Variants in DDX10 observed in about 807,000 individuals in gnomAD.
DDX10 encodes probable ATP-dependent RNA helicase DDX10.
DDX10 carries 74 observed loss-of-function variants against 104.3 expected under a neutral mutation model. The ratio of observed to expected loss-of-function variants is 0.71; its 90% CI spans 0.59 to 0.86. The LOEUF is 0.86. Ranked by LOEUF, DDX10 falls within the 40% of genes least tolerant of loss-of-function variation. The pLI is 0.00. For synonymous variants in DDX10, 351 were observed against 353.4 expected, an observed-to-expected ratio of 0.99 and a Z score of 0.08; for missense variants, 952 against 1,040.0, an observed-to-expected ratio of 0.92 and a Z score of 1.16.
At chr11:108,785,933 G>A (rs1861784742) in intron 13 of DDX10, among the ~76,000 whole-genome samples, 1 of 152,040 alleles carries the variant, frequency 6.6e-6, no homozygotes, top group African/African-American at 2.4e-5. Flanking sequence ...CTCTAGGTGT[G>A]ATGTTAGATT....
chr11:108,719,187 T>C lies in DDX10; in HGVS notation c.1411-610T>C, dbSNP rs184809184. 5.9e-5 allele frequency among the ~76,000 whole-genome samples: 9 copies of C among 151,860 alleles called. No homozygotes were observed. The East Asian group carries it at 1.7e-3, about 29-fold the overall frequency. On this transcript the variant is annotated intron_variant, in intron 11 of 17. Transcript: ENST00000322536. The stretch of plus-strand genomic sequence containing the variant: ...TTGAAATCATAAAAAAGAAAAGCTT[T>C]AGCAATAAAGTTTTTCCTGAAATGG...
intron 5 of DDX10, among the ~76,000 whole-genome samples, chr11:108,678,750 T>C (rs1225801163): frequency 6.6e-6 from 1 of 152,122 alleles, no homozygotes; most frequent in African/African-American, 2.4e-5. Flanking sequence ...ACTTTTTCTT[T>C]TTTGCTTGGG....
At chr11:108,924,952 G>C (rs1056941638) in intron 17 of DDX10, among the ~76,000 whole-genome samples, 1 of 152,122 alleles carries the variant, frequency 6.6e-6, no homozygotes, top group Non-Finnish European at 1.5e-5. Flanking sequence ...GTAGAAAGAG[G>C]TTGGCTCAGC....
At position 108,723,052 on chromosome 11, in the gene DDX10, C is replaced by G. The variant is rs775252849; in HGVS notation, c.1555C>G (p.Gln519Glu). 1 of 1,613,052 alleles carries G rather than the reference C, an allele frequency of 6.2e-7. No individual in the cohort carries two copies. The highest frequency in any genetic ancestry group is 8.5e-7 in the Non-Finnish European group (1 of 1,179,658). Reference sequence around the variant, plus strand: ...AAGATTTCTTCAGAAAATGCAGAAACAACCCACCAAAGAATTGGTAAGGAG... The same window carrying G: ...AAGATTTCTTCAGAAAATGCAGAAAGAACCCACCAAAGAATTGGTAAGGAG... ...RVRFLQKMQK[Q>E]PTKELVRSQA... Residue 519 changes from glutamine to glutamate, a missense_variant, in exon 13 of 18, where the codon CAA becomes GAA. Around this residue, in one of 3 missense-constraint regions of DDX10, gnomAD observed 533 missense variants for 534.1 expected, o/e 1.00. Coordinates refer to ENST00000322536, the MANE Select transcript of DDX10 (RefSeq NM_004398.4).
chr11:108,791,257 C>A (rs2061680), intron 13 of DDX10, among the ~76,000 whole-genome samples: 133,742 of 152,242 alleles, frequency 0.88, 59,163 homozygotes, highest in East Asian at 0.99. Flanking sequence ...AGCCAGCATC[C>A]GTGTACCTGC....
intron 13 of DDX10, chr11:108,822,314 A>T (rs1862336054): frequency 3.2e-6 from 1 of 313,210 alleles, no homozygotes; most frequent in Non-Finnish European, 6.2e-6. Context: ...TTTGTAATAA[A>T]TAAGGCAGTG....
At chr11:108,930,889 C>A (rs926801884) in intron 17 of DDX10, among the ~76,000 whole-genome samples, 30 of 152,164 alleles carry the variant, frequency 2.0e-4, no homozygotes, top group Non-Finnish European at 3.5e-4. Flanking sequence ...CTCAGCCTCT[C>A]AAAGTGAAGG....
intron 17 of DDX10, among the ~76,000 whole-genome samples, chr11:108,932,082 G>C (rs1233145648): frequency 6.6e-6 from 1 of 151,880 alleles, no homozygotes; most frequent in Non-Finnish European, 1.5e-5. Flanking sequence ...GGGCTAGATA[G>C]TAATCATTTT....
At chr11:108,885,945 G>A (rs574790905) in intron 16 of DDX10, among the ~76,000 whole-genome samples, 1 of 152,250 alleles carries the variant, frequency 6.6e-6, no homozygotes, top group South Asian at 2.1e-4. Context: ...AGAATTAAGG[G>A]AAAAGATTTT....
At chr11:108,802,369 G>T (rs959215679) in intron 13 of DDX10, among the ~76,000 whole-genome samples, 3 of 152,090 alleles carry the variant, frequency 2.0e-5, no homozygotes, top group Non-Finnish European at 4.4e-5. Context: ...AACTTAAAAT[G>T]TACTAAATCC....
At chr11:108,719,508 T>C (rs1374050520) in intron 11 of DDX10, among the ~76,000 whole-genome samples, 1 of 152,192 alleles carries the variant, frequency 6.6e-6, no homozygotes, top group Non-Finnish European at 1.5e-5. Flanking sequence ...AGCCTATATT[T>C]TCCCCATGGT....
At chr11:108,677,007 G>A in intron 3 of DDX10, 78 bp from the exon 4 acceptor site, 1 of 1,367,864 alleles carries the variant, frequency 7.3e-7, no homozygotes, top group East Asian at 2.3e-5. Context: ...CCTTTGATTT[G>A]GAGGGGCAAG....
intron 10 of DDX10, among the ~76,000 whole-genome samples, chr11:108,715,549 C>T (rs2094290271): frequency 6.6e-6 from 1 of 152,148 alleles, no homozygotes. Flanking sequence ...TTAATTTATT[C>T]CATTTCATAT....
chr11:108,685,217 T>C (rs1216875487), intron 6 of DDX10, among the ~76,000 whole-genome samples: 1 of 151,790 alleles, frequency 6.6e-6, no homozygotes, highest in African/African-American at 2.4e-5. Flanking sequence ...GAGCCAGGTG[T>C]GGGATATAGT....
intron 16 of DDX10, among the ~76,000 whole-genome samples, chr11:108,907,445 C>T (rs1424881563): frequency 6.6e-6 from 1 of 151,946 alleles, no homozygotes; most frequent in Non-Finnish European, 1.5e-5. Context: ...AAGTGATTCT[C>T]CTGCCTCAGC....
intron 17 of DDX10, among the ~76,000 whole-genome samples, chr11:108,924,273 T>G (rs1451306965): frequency 1.3e-5 from 2 of 152,172 alleles, no homozygotes; most frequent in African/African-American, 4.8e-5. Flanking sequence ...TAGACTACAT[T>G]CTCTGAGGCA....
rs774814021 is a variant in DDX10, at chr11:108,665,130, C to T, written c.-24C>T. 3 of 1,593,338 alleles carry T rather than the reference C, an allele frequency of 1.9e-6. No individual in the cohort carries two copies. Among genetic ancestry groups the T allele is most frequent in the Non-Finnish European group, 2.6e-6 (3 of 1,170,988 alleles). On this transcript the variant is annotated 5_prime_UTR_variant, in exon 1 of 18. Coordinates refer to ENST00000322536, the MANE Select transcript of DDX10 (RefSeq NM_004398.4). ...AGGTGTCTCGTGTCTGGGGTTGATC[C>T]GAGCTGTCGCCGCCGCCGCCGCAAT...
intron 15 of DDX10, among the ~76,000 whole-genome samples, chr11:108,844,597 G>C (rs569095450): frequency 3.3e-5 from 5 of 152,332 alleles, no homozygotes; most frequent in Non-Finnish European, 7.4e-5. Flanking sequence ...AGAATACTGT[G>C]CTGTACTGTG....
At chr11:108,675,781 G>C in intron 3 of DDX10, 55 bp downstream of exon 3, 1 of 1,584,664 alleles carries the variant, frequency 6.3e-7, no homozygotes, top group Non-Finnish European at 8.6e-7. Flanking sequence ...ATAACATTCT[G>C]TGCCCAGATG....
Sources: gnomAD v4.1 joint callset for allele counts (sites outside exome capture counted in the v4.1 genomes callset) on GRCh38, gnomAD v4.1.1 for gene constraint, gnomAD v4.1.1 regional missense constraint, MANE v1.5 for transcripts, NCBI Gene and HGNC (gene_info 2026-07-23, HGNC 2026-07-21) for gene names.